Variants in ATP13A4 observed in about 807,000 individuals in gnomAD.
The protein encoded by ATP13A4 is ATPase 13A4.
In ATP13A4, 114 loss-of-function variants were observed where a neutral mutation model predicts 142.5. The observed-to-expected ratio is 0.80, with a 90% CI of 0.69 to 0.93. The LOEUF is 0.93. Ranked by LOEUF, ATP13A4 falls within the 40% of genes least tolerant of loss-of-function variation. The probability of loss-of-function intolerance (pLI) is 0.00; values close to 1 mark genes in which losing one functional copy is unlikely to be tolerated. For missense variants in ATP13A4, 1,392 were observed against 1,454.0 expected, an observed-to-expected ratio of 0.96 and a Z score of 0.69; for synonymous variants, 488 against 514.8, an observed-to-expected ratio of 0.95 and a Z score of 0.70.
At chr3:193,494,481 A>G (rs1720117413) in intron 3 of ATP13A4, among the ~76,000 whole-genome samples, 1 of 152,042 alleles carries the variant, frequency 6.6e-6, no homozygotes, top group Admixed American at 6.6e-5. Flanking sequence ...AAAACTTTGG[A>G]AACTCTGCAA....
intron 2 of ATP13A4, among the ~76,000 whole-genome samples, chr3:193,508,874 TATTAA>T (rs1345580883): frequency 6.6e-6 from 1 of 152,140 alleles, no homozygotes; most frequent in Non-Finnish European, 1.5e-5. Flanking sequence ...TAATTCAACG[TATTAA>T]ATTAAATTAA....
chr3:193,491,879 G>A (rs13084154), intron 5 of ATP13A4, among the ~76,000 whole-genome samples: 2,625 of 152,124 alleles, frequency 0.017, 33 homozygotes, highest in Middle Eastern at 0.058. Flanking sequence ...AAGGCTCTGT[G>A]ATCTCAAAAA....
chr3:193,505,471 A>G (rs536548137), intron 2 of ATP13A4, among the ~76,000 whole-genome samples: 9 of 152,106 alleles, frequency 5.9e-5, no homozygotes, highest in Admixed American at 2.0e-4. Context: ...AATATTATCA[A>G]ATCAAAGGTA....
intron 1 of ATP13A4, among the ~76,000 whole-genome samples, chr3:193,522,285 G>A (rs928760427): frequency 5.9e-5 from 9 of 152,168 alleles, no homozygotes. Flanking sequence ...GTAAGACCCT[G>A]CCCTGTAGAT....
chr3:193,505,048 C>T (rs73198993), intron 2 of ATP13A4, among the ~76,000 whole-genome samples: 1,540 of 152,282 alleles, frequency 0.01, 5 homozygotes, highest in Non-Finnish European at 0.014. Context: ...CTAAGAATTG[C>T]TCAAGCCAGT....
intron 8 of ATP13A4, among the ~76,000 whole-genome samples, chr3:193,483,704 T>G (rs1466773621): frequency 6.6e-6 from 1 of 152,132 alleles, no homozygotes; most frequent in Admixed American, 6.6e-5. Context: ...GACCTCGTGA[T>G]CAGCCCGCCT....
intron 9 of ATP13A4, among the ~76,000 whole-genome samples, chr3:193,468,082 G>A (rs1403405436): frequency 6.6e-6 from 1 of 152,114 alleles, no homozygotes; most frequent in East Asian, 1.9e-4. Flanking sequence ...GGGAGGCTGA[G>A]GCAGGAGACT....
intron 7 of ATP13A4, among the ~76,000 whole-genome samples, chr3:193,486,515 T>C (rs778015212): frequency 6.6e-6 from 1 of 152,216 alleles, no homozygotes; most frequent in Non-Finnish European, 1.5e-5. Context: ...AGTTTCAAGG[T>C]TGGCAACCAG....
intron 10 of ATP13A4, among the ~76,000 whole-genome samples, chr3:193,466,657 C>A (rs1266255277): frequency 6.6e-6 from 1 of 152,222 alleles, no homozygotes; most frequent in Non-Finnish European, 1.5e-5. Context: ...CCAGCTCTGT[C>A]AATTGCTGGC....
intron 1 of ATP13A4, among the ~76,000 whole-genome samples, chr3:193,546,606 T>C (rs941093172): frequency 6.6e-6 from 1 of 152,186 alleles, no homozygotes; most frequent in Non-Finnish European, 1.5e-5. Flanking sequence ...GAATAAATAA[T>C]GTTAGAGCCA....
intron 2 of ATP13A4, among the ~76,000 whole-genome samples, chr3:193,574,579 T>TG (rs1560287800): frequency 6.6e-6 from 1 of 151,580 alleles, no homozygotes; most frequent in African/African-American, 2.4e-5. Context: ...ATCAGGTGGG[T>TG]GTGGCATGCA....
chr3:193,523,510 A>T (rs937592317), intron 1 of ATP13A4, among the ~76,000 whole-genome samples: 1 of 152,200 alleles, frequency 6.6e-6, no homozygotes, highest in African/African-American at 2.4e-5. Context: ...TTAATCAGTT[A>T]TGCCTGTGTA....
At chr3:193,412,101 G>A in intron 27 of ATP13A4, 77 bp downstream of exon 27, 9 of 1,336,824 alleles carry the variant, frequency 6.7e-6, no homozygotes, top group South Asian at 1.2e-5. Flanking sequence ...CTCTAAAGCT[G>A]TTCCCTAAGT....
At chr3:193,570,430 CTTAA>C (rs983320171) in intron 2 of ATP13A4, among the ~76,000 whole-genome samples, 1 of 152,118 alleles carries the variant, frequency 6.6e-6, no homozygotes, top group Admixed American at 6.5e-5. Flanking sequence ...TATTTTATTT[CTTAA>C]TTATTTATCA....
At chr3:193,526,215 T>C (rs551835221) in intron 1 of ATP13A4, among the ~76,000 whole-genome samples, 6 of 152,132 alleles carry the variant, frequency 3.9e-5, no homozygotes, top group Non-Finnish European at 8.8e-5. Context: ...CTATCAATGA[T>C]AGAGTGGATA....
intron 18 of ATP13A4, among the ~76,000 whole-genome samples, chr3:193,443,279 TC>T (rs1716760292): frequency 6.6e-6 from 1 of 152,102 alleles, no homozygotes; most frequent in Admixed American, 6.5e-5. Flanking sequence ...ATTACGTAAG[TC>T]CCAAGTTCAG....
intron 2 of ATP13A4, among the ~76,000 whole-genome samples, chr3:193,569,784 C>T (rs923703086): frequency 6.6e-6 from 1 of 152,092 alleles, no homozygotes; most frequent in African/African-American, 2.4e-5. Flanking sequence ...ATCCTCCCAC[C>T]GCAGGCTCCC....
chr3:193,429,205 G>A (rs1484885263), intron 25 of ATP13A4, among the ~76,000 whole-genome samples: 3 of 152,106 alleles, frequency 2.0e-5, no homozygotes, highest in Non-Finnish European at 2.9e-5. Context: ...TACATTGCTA[G>A]TGAGAATGTA....
At chr3:193,481,921 C>A (rs1200636411) in intron 8 of ATP13A4, among the ~76,000 whole-genome samples, 1 of 152,024 alleles carries the variant, frequency 6.6e-6, no homozygotes, top group African/African-American at 2.4e-5. Flanking sequence ...TCTAAAGAAA[C>A]CCCAGCATTT....
Sources: gnomAD v4.1 joint callset for allele counts (sites outside exome capture counted in the v4.1 genomes callset) on GRCh38, gnomAD v4.1.1 for gene constraint, MANE v1.5 for transcripts, NCBI Gene and HGNC (gene_info 2026-07-23, HGNC 2026-07-21) for gene names.